Variants in ZNF282 observed in about 807,000 individuals in gnomAD.
ZNF282 encodes zinc finger protein 282.
ZNF282 carries 30 observed loss-of-function variants against 61.9 expected under a neutral mutation model. The observed-to-expected ratio is 0.48, with a 90% CI of 0.36 to 0.66. ZNF282 has a LOEUF of 0.66. Ranked by LOEUF, ZNF282 falls within the 30% of genes least tolerant of loss-of-function variation. ZNF282 has a pLI of 0.00. For missense variants in ZNF282, 788 were observed against 941.4 expected (o/e 0.84, Z 2.13); for synonymous variants, 396 against 405.0 (o/e 0.98, Z 0.27).
intron 5 of ZNF282, 70 bp downstream of exon 5, chr7:149,210,774 G>GC: frequency 6.8e-7 from 1 of 1,461,586 alleles, no homozygotes; most frequent in Admixed American, 2.9e-5. Flanking sequence ...TGGTCTGCCA[G>GC]CCCCCAGAGT....
At chr7:149,197,034 G>A (rs560845290) in intron 1 of ZNF282, among the ~76,000 whole-genome samples, 31 of 152,320 alleles carry the variant, frequency 2.0e-4, no homozygotes, top group African/African-American at 6.5e-4. Context: ...AAGGAGAGTC[G>A]GCTGCCAGCC....
intron 5 of ZNF282, among the ~76,000 whole-genome samples, chr7:149,212,143 A>G (rs1796093883): frequency 6.6e-6 from 1 of 152,158 alleles, no homozygotes; most frequent in Non-Finnish European, 1.5e-5. Flanking sequence ...AAAGACTGTA[A>G]TGTTACTCCC....
rs576256529 is a variant in ZNF282, at chr7:149,208,275, C to T, written c.832+805C>T. Among the ~76,000 whole-genome samples the T allele has an allele frequency of 5.3e-5, 8 of 152,168 alleles. No homozygotes were observed. In the East Asian group the frequency reaches 5.8e-4, roughly 11 times the overall value. On this transcript the variant is annotated intron_variant, in intron 4 of 7. Transcript: ENST00000610704. ...TGCAATCTCAGCTCACTGCAACCTCCGTCTCCCAGATTCAAGTCTGCAACC... is the reference window on the plus strand; with the variant it reads ...TGCAATCTCAGCTCACTGCAACCTCTGTCTCCCAGATTCAAGTCTGCAACC...
At chr7:149,195,890 G>A (rs1795808215) in intron 1 of ZNF282, 136 bp downstream of exon 1, 1 of 781,454 alleles carries the variant, frequency 1.3e-6, no homozygotes, top group African/African-American at 1.9e-5. Flanking sequence ...GAGGCCCGAG[G>A]CGGGCGGGGC....
At chr7:149,202,460 C>T (rs1795926554) in intron 2 of ZNF282, among the ~76,000 whole-genome samples, 2 of 151,342 alleles carry the variant, frequency 1.3e-5, no homozygotes, top group Admixed American at 6.6e-5. Flanking sequence ...TACAGGCACA[C>T]ATCACCACGC....
In ZNF282 at chr7:149,223,955, C is replaced by T. The variant is rs932799721; in HGVS notation, c.1324C>T (p.Pro442Ser). ...CGCGGTGGCCGAGAACCCGGGCGGC[C>T]CCCCGAGCCGAGGGCTGCTGGACGA... ...PIAVAENPGGPPSRGLLDDGF... is the reference protein window; with the variant it reads ...PIAVAENPGGSPSRGLLDDGF... The change falls in exon 8 of 8, where the codon CCC becomes TCC. Residue 442 changes from proline to serine, a missense_variant. Physicochemically the swap from Pro to Ser is moderately conservative, Grantham distance 74 (BLOSUM62 -1). This residue lies in a region of ZNF282 where 559 missense variants were observed against 642.0 expected (regional missense o/e 0.87). Coordinates refer to ENST00000610704, the MANE Select transcript of ZNF282 (RefSeq NM_003575.4). 1.1e-4 allele frequency: 138 copies of T among 1,303,840 alleles called. No homozygotes were observed. The highest frequency in any genetic ancestry group is 1.3e-4 in the Non-Finnish European group (129 of 1,028,770). The allele number at this position is 1,303,840 out of a possible 1,614,324, so 80.8% of individuals were successfully genotyped here.
At position 149,224,056 on chromosome 7, in the gene ZNF282, CGGGGGCGAT is replaced by C. The variant is rs994550957; in HGVS notation, c.1433_1441del (p.Asp478_Gly480del). 1.5e-5 allele frequency: 14 copies of C among 934,464 alleles called. No individual in the cohort carries two copies. Among genetic ancestry groups the C allele is most frequent in the South Asian group, 1.0e-4 (2 of 19,930 alleles). The allele number at this position is 934,464 out of a possible 1,614,324, so 57.9% of individuals were successfully genotyped here. On this transcript the variant is annotated inframe_deletion, in exon 8 of 8. Transcript: ENST00000610704. ...GTGGGGACCGCAGCACCGGGGGCGGCGGGGGCGATGGGGGCGGTGGGGGCGGCGGCGCGG... is the reference window on the plus strand; with the variant it reads ...GTGGGGACCGCAGCACCGGGGGCGGCGGGGGCGGTGGGGGCGGCGGCGCGG...
intron 2 of ZNF282, 104 bp from the exon 3 acceptor site, chr7:149,206,592 A>G: frequency 6.4e-7 from 1 of 1,560,350 alleles, no homozygotes; most frequent in Non-Finnish European, 8.7e-7. Context: ...ACGGAGAGCA[A>G]AGGCCGGGCT....
intron 4 of ZNF282, 66 bp downstream of exon 4, chr7:149,207,536 C>A (rs1796015759): frequency 6.5e-7 from 1 of 1,541,550 alleles, no homozygotes; most frequent in Non-Finnish European, 8.8e-7. Context: ...GCTTTCCGCA[C>A]ACTGCTGCCG....
At position 149,206,682 on chromosome 7, in the gene ZNF282, G is replaced by A. The variant is rs371793785; in HGVS notation, c.586-14G>A. 17 of 1,613,978 alleles carry A rather than the reference G, an allele frequency of 1.1e-5. No homozygotes were observed. Among genetic ancestry groups the A allele is most frequent in the Middle Eastern group, 1.6e-4 (1 of 6,082 alleles). ...ACAGGCAGGAGGCGCTAGATTAACC[G>A]CTTGTTGGCTTAGGTTCCAGTGACT... On this transcript the variant is annotated splice_polypyrimidine_tract_variant and intron_variant, in intron 2 of 7. Transcript: ENST00000610704.
Position 149,206,821 on chromosome 7 carries a change from G to C in ZNF282, c.711G>C (p.Leu237=), listed in dbSNP as rs763216541. The change falls in exon 3 of 8, where the codon CTG becomes CTC. Residue 237 remains leucine, a splice_region_variant and synonymous_variant. Transcript: ENST00000610704. ...VKENYKTLMS[L]DAEGSVPKPD... is the part of the protein sequence containing the mutation. The stretch of plus-strand genomic sequence containing the variant: ...AGAACTACAAAACCCTCATGTCCCT[G>C]GGTAAGGACACCTTCTCTCCTCTTT... 6.2e-7 allele frequency: 1 copy of C among 1,614,048 alleles called. No individual in the cohort carries two copies. The highest frequency in any genetic ancestry group is 8.5e-7 in the Non-Finnish European group (1 of 1,180,016).
At chr7:149,196,945 T>TC in intron 1 of ZNF282, among the ~76,000 whole-genome samples, 1 of 152,156 alleles carries the variant, frequency 6.6e-6, no homozygotes, top group Non-Finnish European at 1.5e-5. Context: ...GCAGCAGGCC[T>TC]CCCCTTTTCC....
At chr7:149,207,039 C>G (rs192206721) in intron 3 of ZNF282, among the ~76,000 whole-genome samples, 330 of 152,276 alleles carry the variant, frequency 2.2e-3, no homozygotes, top group Admixed American at 4.3e-3. Context: ...TAGAACTCAA[C>G]GTTACACCAC....
intron 6 of ZNF282, 76 bp from the exon 7 acceptor site, chr7:149,213,625 A>T: frequency 9.2e-7 from 1 of 1,081,966 alleles, no homozygotes; most frequent in South Asian, 1.3e-5. Flanking sequence ...ACCGCATGGG[A>T]TGGTTTTCAA....
rs1796343661 is a variant in ZNF282, at chr7:149,224,954, A to AG, written c.*311dup. On this transcript the variant is annotated 3_prime_UTR_variant, in exon 8 of 8. Coordinates refer to ENST00000610704, the MANE Select transcript of ZNF282 (RefSeq NM_003575.4). ...GACCACTGGGCCACAGATGGTCATC[A>AG]GGGGAAGCCACCAGGGAGTCCCGAA... The AG allele has an allele frequency of 2.6e-6, 1 of 391,684 alleles. No individual in the cohort carries two copies. The allele number at this position is 391,684 out of a possible 1,614,324, so 24.3% of individuals were successfully genotyped here.
In ZNF282 at chr7:149,224,625, C is replaced by T. The variant is rs1438545946; in HGVS notation, c.1994C>T (p.Pro665Leu). 2.6e-6 allele frequency: 4 copies of T among 1,535,986 alleles called. No homozygotes were observed. The highest frequency in any genetic ancestry group is 2.6e-6 in the Non-Finnish European group (3 of 1,145,308). Residue 665 changes from proline to leucine, a missense_variant, in exon 8 of 8, where the codon CCG becomes CTG. Pro to Leu is a moderately conservative substitution (Grantham distance 98). Around this residue, in one of 3 missense-constraint regions of ZNF282, gnomAD observed 559 missense variants for 642.0 expected, o/e 0.87. Coordinates refer to ENST00000610704, the MANE Select transcript of ZNF282 (RefSeq NM_003575.4). ...GPGPGAPRQLPPPPERD is the reference protein window; with the variant it reads ...GPGPGAPRQLLPPPERD ...GGCCCCGGCGCCCCACGGCAGCTCC[C>T]GCCGCCTCCTGAGCGAGACTAGGGC...
Position 149,224,653 on chromosome 7 carries a change from G to A in ZNF282, c.*6G>A, listed in dbSNP as rs1446998022. 1.3e-6 allele frequency: 2 copies of A among 1,502,504 alleles called. No individual in the cohort carries two copies. Among genetic ancestry groups the A allele is most frequent in the Non-Finnish European group, 1.8e-6 (2 of 1,129,106 alleles). The allele number at this position is 1,502,504 out of a possible 1,614,324, so 93.1% of individuals were successfully genotyped here. A position where few individuals can be genotyped will look rare whatever the true frequency, so the allele number is the denominator to read the frequency against. On this transcript the variant is annotated 3_prime_UTR_variant, in exon 8 of 8. Coordinates refer to ENST00000610704, the MANE Select transcript of ZNF282 (RefSeq NM_003575.4). ...CGCCTCCTGAGCGAGACTAGGGCTG[G>A]GCTGGGGGAGGGCAGGGCCGGACGG...
At chr7:149,196,975 G>C (rs1345061803) in intron 1 of ZNF282, among the ~76,000 whole-genome samples, 3 of 152,162 alleles carry the variant, frequency 2.0e-5, no homozygotes, top group African/African-American at 4.8e-5. Flanking sequence ...GGCCTTTTCT[G>C]CAGCCATCGG....
At position 149,207,433 on chromosome 7, in the gene ZNF282, C is replaced by G; in HGVS notation, c.795C>G (p.His265Gln). 1 of 1,565,614 alleles carries G rather than the reference C, an allele frequency of 6.4e-7. No individual in the cohort carries two copies. Among genetic ancestry groups the G allele is most frequent in the South Asian group, 1.2e-5 (1 of 85,258 alleles). Residue 265 changes from histidine to glutamine, a missense_variant, in exon 4 of 8, where the codon CAC (histidine) becomes CAG (glutamine). This residue lies in a region of ZNF282 where 559 missense variants were observed against 642.0 expected (regional missense o/e 0.87). Transcript: ENST00000610704. ...AACCTTGTGTGTGGGAGCAGCGCCA[C>G]CCCGAAGAGAGAGAAATCCCAATGG... ...REEPCVWEQR[H>Q]PEEREIPMDP... is the part of the protein sequence containing the mutation.
Sources: gnomAD v4.1 joint callset for allele counts (sites outside exome capture counted in the v4.1 genomes callset) on GRCh38, gnomAD v4.1.1 for gene constraint, gnomAD v4.1.1 regional missense constraint, MANE v1.5 for transcripts, NCBI Gene and HGNC (gene_info 2026-07-23, HGNC 2026-07-21) for gene names.